Variants in SLF2 observed in about 807,000 individuals in gnomAD.
The protein encoded by SLF2 is SMC5-SMC6 complex localization factor protein 2.
A neutral mutation model predicts 124.3 loss-of-function variants in SLF2; 68 were observed. The observed-to-expected ratio is 0.55, with a 90% CI of 0.45 to 0.67. SLF2 has a LOEUF of 0.67. Ranked by LOEUF, SLF2 falls within the 30% of genes least tolerant of loss-of-function variation. The probability of loss-of-function intolerance (pLI) is 0.00; values close to 1 mark genes in which losing one functional copy is unlikely to be tolerated. For missense variants in SLF2, 1,246 were observed against 1,373.7 expected (o/e 0.91, Z 1.47); for synonymous variants, 480 against 478.8 (o/e 1.00, Z -0.03).
chr10:100,916,786 C>T lies in SLF2; in HGVS notation c.401C>T (p.Pro134Leu). Residue 134 changes from proline (P) to leucine (L), a missense_variant, in exon 3 of 20, where the codon CCT becomes CTT. Transcript: ENST00000238961. ...CATGGTATACATGAGTCACGTCGGCCTTGTCTGTCACTAGCCTCCAAATAT... is the reference window on the plus strand; with the variant it reads ...CATGGTATACATGAGTCACGTCGGCTTTGTCTGTCACTAGCCTCCAAATAT... ...EDHGIHESRR[P>L]CLSLASKYLA... The T allele has an allele frequency of 6.2e-6, 10 of 1,613,656 alleles. No homozygotes were observed. Among genetic ancestry groups the T allele is most frequent in the Non-Finnish European group, 8.5e-6 (10 of 1,179,862 alleles).
intron 12 of SLF2, among the ~76,000 whole-genome samples, chr10:100,944,388 A>G (rs773333289): frequency 3.4e-4 from 50 of 148,784 alleles, no homozygotes; most frequent in African/African-American, 1.0e-3. Flanking sequence ...CCAGCTATTC[A>G]GGAGGCTGAG....
intron 13 of SLF2, among the ~76,000 whole-genome samples, chr10:100,946,536 AG>A (rs1289867358): frequency 3.3e-5 from 5 of 152,058 alleles, no homozygotes; most frequent in Non-Finnish European, 5.9e-5. Context: ...CATTTTGGCC[AG>A]GCTGGTCTCA....
chr10:100,945,403 T>A lies in SLF2; in HGVS notation c.2831T>A (p.Leu944Ter), dbSNP rs1273416489. ...GAAATAATGTTGCTGATTTTAATGT[T>A]ATTTAAAATGAGTTTGGAAAAACAG... ...DREIMLLILMLFKMSLEKQLK... is the reference protein window; with the variant it reads ...DREIMLLILM Residue 944 changes from leucine to a stop codon, truncating the protein, a stop_gained, in exon 13 of 20, where the codon TTA becomes TAA. Coordinates refer to ENST00000238961, the MANE Select transcript of SLF2 (RefSeq NM_018121.4). LOFTEE classifies it high-confidence loss of function. The A allele has an allele frequency of 6.2e-7, 1 of 1,603,748 alleles. No individual in the cohort carries two copies. The highest frequency in any genetic ancestry group is 8.5e-7 in the Non-Finnish European group (1 of 1,177,394).
At chr10:100,956,991 T>TG (rs747775225) in intron 18 of SLF2, among the ~76,000 whole-genome samples, 5 of 152,314 alleles carry the variant, frequency 3.3e-5, no homozygotes, top group Non-Finnish European at 7.3e-5. Flanking sequence ...AATCAGCTCC[T>TG]GCTAAATTAG....
chr10:100,953,590 A>G, intron 17 of SLF2, among the ~76,000 whole-genome samples: 1 of 152,128 alleles, frequency 6.6e-6, no homozygotes, highest in East Asian at 1.9e-4. Flanking sequence ...ATATACTAAC[A>G]ATTATTTTAA....
chr10:100,946,798 G>A (rs771292655), intron 13 of SLF2, among the ~76,000 whole-genome samples: 11 of 152,206 alleles, frequency 7.2e-5, no homozygotes, highest in South Asian at 2.1e-4. Flanking sequence ...AGTACAAAAC[G>A]TGAAAGCCAA....
At chr10:100,958,765 T>A (rs1358739534) in intron 18 of SLF2, among the ~76,000 whole-genome samples, 1 of 152,242 alleles carries the variant, frequency 6.6e-6, no homozygotes, top group Non-Finnish European at 1.5e-5. Flanking sequence ...TCCTGACTTG[T>A]TGAAAACATG....
chr10:100,913,543 C>T (rs187372082), intron 1 of SLF2: 12 of 1,238,356 alleles, frequency 9.7e-6, no homozygotes, highest in Non-Finnish European at 1.1e-5. Flanking sequence ...GAGTTTGACC[C>T]GGGACCCTAA....
intron 13 of SLF2, 24 bp downstream of exon 13, chr10:100,945,530 A>T: frequency 6.6e-7 from 1 of 1,508,862 alleles, no homozygotes. Flanking sequence ...AAACTTCATT[A>T]TTCATTTTTT....
chr10:100,935,290 G>GAGGCTGA (rs1849823280), intron 9 of SLF2, among the ~76,000 whole-genome samples: 1 of 152,166 alleles, frequency 6.6e-6, no homozygotes, highest in African/African-American at 2.4e-5. Flanking sequence ...AGCTACTGGG[G>GAGGCTGA]AGGCTGAGGC....
intron 1 of SLF2, among the ~76,000 whole-genome samples, chr10:100,915,213 T>C (rs1040248166): frequency 1.8e-4 from 27 of 152,236 alleles, no homozygotes; most frequent in African/African-American, 2.4e-5. Flanking sequence ...TTTCTTCCTT[T>C]TCTCCTTGTG....
intron 11 of SLF2, chr10:100,943,766 G>T: frequency 3.1e-6 from 1 of 327,758 alleles, no homozygotes; most frequent in East Asian, 6.0e-5. Flanking sequence ...ATTAGTGTTT[G>T]CCTTGAGTCA....
chr10:100,947,574 T>C (rs913071709), intron 14 of SLF2, among the ~76,000 whole-genome samples, 186 bp from the exon 15 acceptor site: 1 of 152,148 alleles, frequency 6.6e-6, no homozygotes, highest in African/African-American at 2.4e-5. Context: ...AACTCAAGTT[T>C]TATGTACAGA....
chr10:100,941,317 A>G (rs931325275), intron 11 of SLF2, among the ~76,000 whole-genome samples: 2 of 152,214 alleles, frequency 1.3e-5, no homozygotes, highest in African/African-American at 4.8e-5. Context: ...TACTAGTACA[A>G]TTCTTTTCTT....
At chr10:100,951,972 G>A (rs1213114841) in intron 17 of SLF2, among the ~76,000 whole-genome samples, 9 of 152,262 alleles carry the variant, frequency 5.9e-5, no homozygotes, top group African/African-American at 1.9e-4. Flanking sequence ...TGCCGGGCAC[G>A]GTGGCACACC....
intron 11 of SLF2, among the ~76,000 whole-genome samples, chr10:100,939,676 TAA>T (rs112335880): frequency 2.2e-5 from 3 of 138,226 alleles, no homozygotes; most frequent in African/African-American, 2.7e-5. Flanking sequence ...AGACTCCATC[TAA>T]AAAAAAAAAA....
chr10:100,947,128 A>C lies in SLF2; in HGVS notation c.3024A>C (p.Ser1008=). ...WLVQLVPNWT[S]RGRQLRQCLS... ...TACAGCTGGTCCCTAATTGGACATCACGTGGAAGGTATTAAAAAGTGAAAA... is the reference window on the plus strand; with the variant it reads ...TACAGCTGGTCCCTAATTGGACATCCCGTGGAAGGTATTAAAAAGTGAAAA... Residue 1008 remains serine (S), a synonymous_variant, in exon 14 of 20, where the codon TCA becomes TCC. Transcript: ENST00000238961. 5 of 1,557,422 alleles carry C rather than the reference A, an allele frequency of 3.2e-6. No homozygotes were observed. The highest frequency in any genetic ancestry group is 4.3e-6 in the Non-Finnish European group (5 of 1,155,828).
intron 3 of SLF2, among the ~76,000 whole-genome samples, chr10:100,918,133 G>A (rs866569472): frequency 1.3e-5 from 2 of 152,116 alleles, no homozygotes; most frequent in South Asian, 2.1e-4. Context: ...TGATATAAAC[G>A]TAAATCAGCA....
chr10:100,948,848 C>T (rs546348320), intron 15 of SLF2, among the ~76,000 whole-genome samples: 5 of 152,202 alleles, frequency 3.3e-5, no homozygotes, highest in East Asian at 1.9e-4. Context: ...ATCACGCCAC[C>T]GCACTCCAGC....
Sources: gnomAD v4.1 joint callset for allele counts (sites outside exome capture counted in the v4.1 genomes callset) on GRCh38, gnomAD v4.1.1 for gene constraint, MANE v1.5 for transcripts, NCBI Gene and HGNC (gene_info 2026-07-23, HGNC 2026-07-21) for gene names.